The following ADAM10 variants were observed in gnomAD, a reference collection of about 807,000 sequenced individuals.
The protein encoded by ADAM10 is ADAM metallopeptidase domain 10, also known as disintegrin and metalloproteinase domain-containing protein 10.
Under a neutral mutation model 90.1 loss-of-function variants are expected in ADAM10, and 17 were observed. The ratio of observed to expected loss-of-function variants is 0.19; its 90% CI spans 0.13 to 0.28. The LOEUF is 0.28. Among genes scored for constraint, ADAM10 ranks in the 10% least tolerant of loss-of-function variants. ADAM10 has a pLI of 1.00. For synonymous variants in ADAM10, 310 were observed against 298.6 expected, an observed-to-expected ratio of 1.04 and a Z score of -0.40; for missense variants, 610 against 914.3, an observed-to-expected ratio of 0.67 and a Z score of 4.29.
At chr15:58,660,020 G>A (rs980178155) in intron 5 of ADAM10, among the ~76,000 whole-genome samples, 3 of 152,208 alleles carry the variant, frequency 2.0e-5, no homozygotes, top group Non-Finnish European at 2.9e-5. Context: ...GAGCCAATAC[G>A]CCTGGCCGTT....
intron 1 of ADAM10, among the ~76,000 whole-genome samples, chr15:58,740,504 CAT>C (rs1390750428): frequency 6.6e-6 from 1 of 151,876 alleles, no homozygotes; most frequent in Non-Finnish European, 1.5e-5. Flanking sequence ...ACTACTTATA[CAT>C]ATCTCAGTGT....
At chr15:58,658,852 C>A (rs1436644710) in intron 5 of ADAM10, among the ~76,000 whole-genome samples, 3 of 152,110 alleles carry the variant, frequency 2.0e-5, no homozygotes, top group Admixed American at 2.0e-4. Context: ...CTTATTGATT[C>A]TAGTAACTTT....
At position 58,589,976 on chromosome 15, in the gene ADAM10, A is replaced by T. The variant is rs1164305920; in HGVS notation, c.*7571T>A. The T allele has an allele frequency of 1.3e-5, 2 of 152,218 alleles. No individual in the cohort carries two copies. The highest frequency in any genetic ancestry group is 1.9e-4 in the East Asian group (1 of 5,196). 9.4% of individuals were successfully genotyped at this position (152,218 alleles called of 1,614,324 possible). The stretch of plus-strand genomic sequence containing the variant: ...CAAAGCAAAAAATGAAAAAACATTT[A>T]AAAAAATAAAGGAATCTGAATGACT... On this transcript the variant is annotated 3_prime_UTR_variant, in exon 16 of 16. Coordinates refer to ENST00000260408, the MANE Select transcript of ADAM10 (RefSeq NM_001110.4).
rs762481476 is a variant in ADAM10 at position 58,599,579 on chromosome 15, C to A, written c.2152+19G>T. 6.2e-7 allele frequency: 1 copy of A among 1,612,008 alleles called. No homozygotes were observed. Among genetic ancestry groups the A allele is most frequent in the East Asian group, 2.2e-5 (1 of 44,712 alleles). On this transcript the variant is annotated intron_variant, in intron 15 of 15. Coordinates refer to ENST00000260408, the MANE Select transcript of ADAM10 (RefSeq NM_001110.4). ...AATTCTGAGTTACATAAATATGTAT[C>A]TTGCTCAAATATTCTTACCTGGAAG...
chr15:58,615,320 A>G (rs1357657723), intron 11 of ADAM10, among the ~76,000 whole-genome samples: 2 of 151,778 alleles, frequency 1.3e-5, no homozygotes, highest in Non-Finnish European at 2.9e-5. Context: ...TATCAAAATG[A>G]TAAGAGGAAG....
chr15:58,734,176 G>C (rs1334340723), intron 1 of ADAM10, among the ~76,000 whole-genome samples: 6 of 151,958 alleles, frequency 3.9e-5, no homozygotes, highest in African/African-American at 1.5e-4. Flanking sequence ...TCAATTTCTT[G>C]TTTAACTAAA....
At chr15:58,610,128 C>A (rs778414026) in intron 14 of ADAM10, 169 bp downstream of exon 14, 4 of 699,398 alleles carry the variant, frequency 5.7e-6, no homozygotes, top group Middle Eastern at 3.6e-4. Context: ...ATTCTGATCA[C>A]TTCAGAAGGA....
rs376064997 is a variant in ADAM10, at chr15:58,664,949, C to A, written c.585+148G>T. The A allele has an allele frequency of 1.8e-5, 12 of 675,844 alleles. No homozygotes were observed. In the Middle Eastern group the frequency reaches 1.2e-3, roughly 66 times the overall value. The allele number at this position is 675,844 out of a possible 1,614,324, so 41.9% of individuals were successfully genotyped here. On this transcript the variant is annotated intron_variant, in intron 5 of 15. Transcript: ENST00000260408. ...CAGTCCTATCTCTTTATTATTGGCA[C>A]GTTACCTGGCCTCTTTGAGCATTAA...
chr15:58,667,808 G>T (rs1168259281), intron 4 of ADAM10, among the ~76,000 whole-genome samples: 2 of 151,282 alleles, frequency 1.3e-5, no homozygotes, highest in Admixed American at 6.6e-5. Flanking sequence ...AGACAGGAAA[G>T]AACTCCAAAT....
intron 2 of ADAM10, among the ~76,000 whole-genome samples, chr15:58,690,774 A>C (rs1423236630): frequency 6.6e-6 from 1 of 152,252 alleles, no homozygotes; most frequent in African/African-American, 2.4e-5. Flanking sequence ...CCTCAGGAAC[A>C]CATCACATCA....
At chr15:58,671,984 T>G (rs1279746601) in intron 4 of ADAM10, among the ~76,000 whole-genome samples, 1 of 152,154 alleles carries the variant, frequency 6.6e-6, no homozygotes, top group Non-Finnish European at 1.5e-5. Flanking sequence ...GACTTCAGTT[T>G]CCGTCATCTT....
intron 1 of ADAM10, among the ~76,000 whole-genome samples, chr15:58,740,179 G>A (rs1156236986): frequency 6.6e-6 from 1 of 152,168 alleles, no homozygotes; most frequent in Non-Finnish European, 1.5e-5. Flanking sequence ...TTGGGAGGCT[G>A]AAGGAGGATC....
intron 1 of ADAM10, among the ~76,000 whole-genome samples, chr15:58,726,941 G>A (rs1332186767): frequency 6.6e-6 from 1 of 151,460 alleles, no homozygotes; most frequent in African/African-American, 2.4e-5. Flanking sequence ...CGAAGGGGAA[G>A]GGGAAGAGCA....
chr15:58,720,638 T>C (rs1233874304), intron 1 of ADAM10, among the ~76,000 whole-genome samples: 4 of 151,076 alleles, frequency 2.6e-5, no homozygotes, highest in African/African-American at 9.8e-5. Flanking sequence ...CCTGACCTCG[T>C]GATCCGCCCA....
intron 13 of ADAM10, chr15:58,610,797 G>A: frequency 1.6e-6 from 1 of 636,180 alleles, no homozygotes. Context: ...GCAACGTTTT[G>A]TCTAGTTTAT....
intron 6 of ADAM10, 61 bp from the exon 7 acceptor site, chr15:58,644,039 T>C: frequency 7.8e-7 from 1 of 1,285,206 alleles, no homozygotes. Context: ...AGATTATAAA[T>C]TTCCATTTCC....
At chr15:58,657,003 A>G (rs1406308167) in intron 5 of ADAM10, among the ~76,000 whole-genome samples, 2 of 152,170 alleles carry the variant, frequency 1.3e-5, no homozygotes, top group African/African-American at 4.8e-5. Flanking sequence ...CAGCACTTTA[A>G]ACATGTCATG....
chr15:58,686,964 T>C lies in ADAM10; in HGVS notation c.207-4650A>G, dbSNP rs1276271728. Among the ~76,000 whole-genome samples, 4 of 152,228 alleles carry C rather than the reference T, an allele frequency of 2.6e-5. No homozygotes were observed. The East Asian group carries it at 7.7e-4, about 29-fold the overall frequency. On this transcript the variant is annotated intron_variant, in intron 2 of 15. Coordinates refer to ENST00000260408, the MANE Select transcript of ADAM10 (RefSeq NM_001110.4). ...GGAATATCATGTATGTTTCATTTAC[T>C]GGATGTTTACATTTTAGGAAGGAAA...
intron 8 of ADAM10, among the ~76,000 whole-genome samples, chr15:58,635,111 T>C (rs766406660): frequency 4.7e-5 from 7 of 149,780 alleles, no homozygotes; most frequent in Non-Finnish European, 7.4e-5. Flanking sequence ...CCATCTCTGC[T>C]AAAAATACAA....
Sources: gnomAD v4.1 joint callset for allele counts (sites outside exome capture counted in the v4.1 genomes callset) on GRCh38, gnomAD v4.1.1 for gene constraint, MANE v1.5 for transcripts, NCBI Gene and HGNC (gene_info 2026-07-23, HGNC 2026-07-21) for gene names.